Variants in TMEM248 observed in about 807,000 individuals in gnomAD.
The protein encoded by TMEM248 is transmembrane protein 248.
A neutral mutation model predicts 30.3 loss-of-function variants in TMEM248; 9 were observed. The observed-to-expected ratio is 0.30, with a 90% CI of 0.18 to 0.52. The LOEUF is 0.52. TMEM248 is among the 20% of genes least tolerant of loss of function. The probability of loss-of-function intolerance (pLI) is 0.97; values close to 1 mark genes in which losing one functional copy is unlikely to be tolerated. For missense variants in TMEM248, 338 were observed against 403.3 expected (o/e 0.84, Z 1.39); for synonymous variants, 184 against 154.4 (o/e 1.19, Z -1.42).
At chr7:66,933,263 A>G (rs1791715507) in intron 1 of TMEM248, among the ~76,000 whole-genome samples, 1 of 152,100 alleles carries the variant, frequency 6.6e-6, no homozygotes, top group Non-Finnish European at 1.5e-5. Context: ...TCAAACTCCC[A>G]GGCTCAAGCC....
At position 66,945,293 on chromosome 7, in the gene TMEM248, T is replaced by A. The variant is rs767509648; in HGVS notation, c.445+32T>A. 2.6e-5 allele frequency: 41 copies of A among 1,601,014 alleles called. No homozygotes were observed. The Admixed American group carries it at 6.4e-4, about 25-fold the overall frequency. ...AGTAGCCACTCTCCACTCAGGCTCC[T>A]TAGGCAACCACTGTTACAAAAAGAG... On this transcript the variant is annotated intron_variant, in intron 3 of 6. Coordinates refer to ENST00000341567, the MANE Select transcript of TMEM248 (RefSeq NM_017994.5).
At chr7:66,928,225 AG>A (rs1414498076) in intron 1 of TMEM248, among the ~76,000 whole-genome samples, 1 of 152,200 alleles carries the variant, frequency 6.6e-6, no homozygotes, top group Admixed American at 6.5e-5. Flanking sequence ...TGAAAAAAAA[AG>A]AAACTAAGTT....
At chr7:66,932,947 ACC>A (rs1299538328) in intron 1 of TMEM248, among the ~76,000 whole-genome samples, 1 of 145,922 alleles carries the variant, frequency 6.9e-6, no homozygotes, top group Non-Finnish European at 1.5e-5. Flanking sequence ...GCTCAATTCA[ACC>A]TCCCAGGTTC....
intron 1 of TMEM248, among the ~76,000 whole-genome samples, chr7:66,923,466 G>A (rs1791442626): frequency 6.6e-6 from 1 of 152,124 alleles, no homozygotes; most frequent in Non-Finnish European, 1.5e-5. Flanking sequence ...TAAACTTTGA[G>A]GTGGACCTAG....
chr7:66,947,214 C>CAAA (rs565294304), intron 3 of TMEM248, among the ~76,000 whole-genome samples: 75 of 58,654 alleles, frequency 1.3e-3, no homozygotes, highest in African/African-American at 3.4e-3. Context: ...GACCCTGTCT[C>CAAA]AAAAAAAAAA....
At chr7:66,944,153 G>A in intron 2 of TMEM248, among the ~76,000 whole-genome samples, 1 of 146,576 alleles carries the variant, frequency 6.8e-6, no homozygotes, top group African/African-American at 2.5e-5. Flanking sequence ...CGCCCAGGGT[G>A]GAGTGCAGTG....
chr7:66,946,196 AG>A (rs1037975468), intron 3 of TMEM248, among the ~76,000 whole-genome samples: 1 of 151,350 alleles, frequency 6.6e-6, no homozygotes, highest in Non-Finnish European at 1.5e-5. Context: ...CAAGACGTGG[AG>A]GTTGCGGTGA....
intron 3 of TMEM248, among the ~76,000 whole-genome samples, chr7:66,946,682 T>G (rs1792117381): frequency 6.6e-6 from 1 of 152,230 alleles, no homozygotes; most frequent in South Asian, 2.1e-4. Context: ...GCACTTACAA[T>G]AGTTCCTGCC....
intron 1 of TMEM248, among the ~76,000 whole-genome samples, chr7:66,923,129 G>A (rs1485051943): frequency 1.3e-5 from 2 of 151,906 alleles, no homozygotes; most frequent in African/African-American, 4.8e-5. Context: ...ATTTTGTTAT[G>A]GTTAGGATCA....
At chr7:66,931,380 A>C (rs1791661698) in intron 1 of TMEM248, among the ~76,000 whole-genome samples, 1 of 152,012 alleles carries the variant, frequency 6.6e-6, no homozygotes, top group Non-Finnish European at 1.5e-5. Flanking sequence ...CCATGTGTAC[A>C]TATGCGGGCT....
chr7:66,921,602 C>G (rs1035705162), intron 1 of TMEM248, 141 bp downstream of exon 1: 1 of 152,272 alleles, frequency 6.6e-6, no homozygotes, highest in African/African-American at 2.4e-5. Flanking sequence ...CCCGCCCCAA[C>G]TGCTGGCGGG....
intron 1 of TMEM248, among the ~76,000 whole-genome samples, chr7:66,941,376 C>T (rs1479308248): frequency 7.5e-6 from 1 of 132,542 alleles, no homozygotes; most frequent in Non-Finnish European, 1.6e-5. Context: ...GAGACTCCGT[C>T]TCAAAAAAAA....
At position 66,932,561 on chromosome 7, in the gene TMEM248, G is replaced by C. The variant is rs1031828636; in HGVS notation, c.-18-9287G>C. ...GATGGAGTCTTAGTCTGACACCCAG[G>C]CTGGAGTGCAGTGGCGTGATCTCGG... is the stretch of plus-strand genomic sequence containing the variant. On this transcript the variant is annotated intron_variant, in intron 1 of 6. Transcript: ENST00000341567. Among the ~76,000 whole-genome samples, 7 of 151,662 alleles carry C rather than the reference G, an allele frequency of 4.6e-5. No individual in the cohort carries two copies. In the East Asian group the frequency reaches 1.4e-3, roughly 30 times the overall value.
At position 66,950,973 on chromosome 7, in the gene TMEM248, T is replaced by G; in HGVS notation, c.618T>G (p.Pro206=). 2 of 1,601,872 alleles carry G rather than the reference T, an allele frequency of 1.2e-6. No individual in the cohort carries two copies. Among genetic ancestry groups the G allele is most frequent in the Non-Finnish European group, 1.7e-6 (2 of 1,174,534 alleles). Residue 206 remains proline, a synonymous_variant, in exon 5 of 7, where the codon CCT becomes CCG. Transcript: ENST00000341567. ...PVTVQPPHCV[P]DTYSNATLWY... is the part of the protein sequence containing the mutation. The stretch of plus-strand genomic sequence containing the variant: ...GCAGACAGCCACCGCACTGTGTTCC[T>G]GACACGTACAGCAACGCCACGCTCT...
At chr7:66,923,351 G>A (rs1416271318) in intron 1 of TMEM248, among the ~76,000 whole-genome samples, 1 of 151,612 alleles carries the variant, frequency 6.6e-6, no homozygotes, top group Non-Finnish European at 1.5e-5. Context: ...TCATGTTGTT[G>A]GCCAGGCCTT....
chr7:66,931,317 AAAAAG>A (rs1210021218), intron 1 of TMEM248, among the ~76,000 whole-genome samples: 21 of 147,328 alleles, frequency 1.4e-4, no homozygotes, highest in African/African-American at 4.8e-4. Context: ...AAAAAAAAAA[AAAAAG>A]AACAGTTTAA....
intron 6 of TMEM248, among the ~76,000 whole-genome samples, chr7:66,954,908 G>T (rs1427105283): frequency 3.9e-5 from 6 of 152,154 alleles, no homozygotes; most frequent in Non-Finnish European, 8.8e-5. Context: ...TACTGACTCT[G>T]GGTAGCTGCC....
intron 2 of TMEM248, among the ~76,000 whole-genome samples, chr7:66,943,920 A>C (rs943081417): frequency 6.6e-6 from 1 of 151,562 alleles, no homozygotes; most frequent in African/African-American, 2.4e-5. Context: ...TCAGCCTTCC[A>C]AGTAGCTGGG....
intron 1 of TMEM248, among the ~76,000 whole-genome samples, chr7:66,925,961 A>G (rs1312129469): frequency 6.6e-6 from 1 of 151,996 alleles, no homozygotes; most frequent in South Asian, 2.1e-4. Context: ...TTTTAAAGGA[A>G]TTTCTGTGCT....
Sources: allele counts gnomAD v4.1 joint callset (sites outside exome capture counted in the v4.1 genomes callset), GRCh38; gene constraint gnomAD v4.1.1; transcripts MANE v1.5; gene names NCBI Gene and HGNC (gene_info 2026-07-23, HGNC 2026-07-21).